The following PCNX2 variants were observed in gnomAD, a reference collection of about 807,000 sequenced individuals.
The protein encoded by PCNX2 is pecanex 2.
In PCNX2, 168 loss-of-function variants were observed where a neutral mutation model predicts 223.8. That is an observed-to-expected ratio of 0.75 (90% CI 0.66 to 0.85). The LOEUF (loss-of-function observed/expected upper bound fraction) is 0.85. Ranked by LOEUF, PCNX2 falls within the 40% of genes least tolerant of loss-of-function variation. The pLI is 0.00. For missense variants in PCNX2, 2,507 were observed against 2,675.5 expected (o/e 0.94, Z 1.39); for synonymous variants, 1,006 against 1,052.6 (o/e 0.96, Z 0.86).
intron 23 of PCNX2, among the ~76,000 whole-genome samples, chr1:233,081,877 G>A (rs1236474318): frequency 1.3e-5 from 2 of 152,154 alleles, no homozygotes; most frequent in Admixed American, 1.3e-4. Flanking sequence ...TCGGGGCTCT[G>A]AGCTGCAGCT....
intron 12 of PCNX2, among the ~76,000 whole-genome samples, chr1:233,208,900 C>T (rs1681666042): frequency 2.1e-5 from 3 of 139,792 alleles, no homozygotes. Flanking sequence ...TTCTGTCAAA[C>T]CAGAATGAGA....
At chr1:233,220,077 G>T (rs1274776667) in intron 10 of PCNX2, among the ~76,000 whole-genome samples, 3 of 152,066 alleles carry the variant, frequency 2.0e-5, no homozygotes, top group Non-Finnish European at 4.4e-5. Flanking sequence ...TAAGTACTAT[G>T]CAGTTAACGT....
At chr1:233,140,695 G>C (rs1286206455) in intron 19 of PCNX2, among the ~76,000 whole-genome samples, 1 of 152,214 alleles carries the variant, frequency 6.6e-6, no homozygotes, top group Non-Finnish European at 1.5e-5. Flanking sequence ...GCTGGCGTGA[G>C]TGGTCAGAGC....
intron 8 of PCNX2, among the ~76,000 whole-genome samples, chr1:233,245,365 G>T (rs1659045044): frequency 6.6e-6 from 1 of 152,252 alleles, no homozygotes; most frequent in Non-Finnish European, 1.5e-5. Context: ...GCATAACAGA[G>T]GCAGATTGTA....
intron 5 of PCNX2, among the ~76,000 whole-genome samples, chr1:233,256,284 A>G (rs1454318230): frequency 2.0e-5 from 3 of 152,152 alleles, no homozygotes. Context: ...AAATAGCAAA[A>G]TTTTTCACAT....
chr1:233,115,989 A>G (rs1675385164), intron 21 of PCNX2, among the ~76,000 whole-genome samples: 1 of 152,208 alleles, frequency 6.6e-6, no homozygotes, highest in Non-Finnish European at 1.5e-5. Context: ...AGGAGCAGTG[A>G]TATCATTATC....
At chr1:233,254,589 A>G (rs1415978648) in intron 5 of PCNX2, among the ~76,000 whole-genome samples, 3 of 152,186 alleles carry the variant, frequency 2.0e-5, no homozygotes, top group Non-Finnish European at 4.4e-5. Context: ...TATGTAATTT[A>G]AAACTATACA....
At chr1:233,017,269 G>T in intron 26 of PCNX2, 115 bp from the exon 27 acceptor site, 1 of 628,246 alleles carries the variant, frequency 1.6e-6, no homozygotes, top group Non-Finnish European at 2.4e-6. Flanking sequence ...TGTATGTTCT[G>T]CTGGGTGTAA....
chr1:233,268,431 A>G (rs1660461809), intron 1 of PCNX2, among the ~76,000 whole-genome samples: 1 of 152,140 alleles, frequency 6.6e-6, no homozygotes, highest in Admixed American at 6.5e-5. Context: ...AGACATAAAG[A>G]AGGACACTCT....
chr1:233,317,797 A>G, the PCNX2 span, among the ~76,000 whole-genome samples: 8 of 152,356 alleles, frequency 5.3e-5, no homozygotes, highest in African/African-American at 1.9e-4. Context: ...GCTTTAATGC[A>G]TTAGCTCAAT....
chr1:233,168,311 T>C (rs1678924204), intron 17 of PCNX2, among the ~76,000 whole-genome samples: 1 of 152,152 alleles, frequency 6.6e-6, no homozygotes, highest in African/African-American at 2.4e-5. Flanking sequence ...TTGTGTTTTC[T>C]GAGCCAGTAT....
intron 21 of PCNX2, among the ~76,000 whole-genome samples, chr1:233,133,932 G>A (rs954260191): frequency 2.0e-5 from 3 of 152,122 alleles, no homozygotes; most frequent in South Asian, 2.1e-4. Flanking sequence ...AATTACTTAT[G>A]AGGCCTCTTT....
At chr1:233,174,447 A>G (rs1381062202) in intron 17 of PCNX2, among the ~76,000 whole-genome samples, 1 of 151,178 alleles carries the variant, frequency 6.6e-6, no homozygotes, top group Non-Finnish European at 1.5e-5. Flanking sequence ...TAAGAAATAT[A>G]TTAGCTTTTC....
At chr1:233,047,155 C>G (rs11584905) in intron 25 of PCNX2, among the ~76,000 whole-genome samples, 12,703 of 152,200 alleles carry the variant, frequency 0.083, 579 homozygotes, top group African/African-American at 0.12. Context: ...GCTCAAGTGG[C>G]CCAGGTGACA....
intron 27 of PCNX2, 95 bp downstream of exon 27, chr1:233,016,826 G>T: frequency 6.7e-7 from 1 of 1,498,050 alleles, no homozygotes; most frequent in East Asian, 2.4e-5. Flanking sequence ...TATGTTAAAA[G>T]TCTACCATAG....
At chr1:233,262,848 A>G (rs1390694631) in intron 2 of PCNX2, 110 bp downstream of exon 2, 2 of 961,406 alleles carry the variant, frequency 2.1e-6, no homozygotes, top group South Asian at 1.6e-5. Context: ...AAAAATGCAT[A>G]TATTTCTGTC....
intron 8 of PCNX2, among the ~76,000 whole-genome samples, chr1:233,245,358 T>A (rs60561561): frequency 0.062 from 9,479 of 152,256 alleles, 878 homozygotes; most frequent in African/African-American, 0.2. Context: ...AAAAGAAGCA[T>A]AACAGAGGCA....
At chr1:233,073,163 T>C (rs1672931877) in intron 23 of PCNX2, among the ~76,000 whole-genome samples, 1 of 152,216 alleles carries the variant, frequency 6.6e-6, no homozygotes, top group South Asian at 2.1e-4. Context: ...CTAGGTTACC[T>C]AATTTGTTGA....
At chr1:233,066,012 T>C (rs1672589892) in intron 23 of PCNX2, among the ~76,000 whole-genome samples, 1 of 152,094 alleles carries the variant, frequency 6.6e-6, no homozygotes, top group Admixed American at 6.5e-5. Context: ...TTTTGACCAA[T>C]CAGCATGCAC....
Sources: allele counts gnomAD v4.1 joint callset (sites outside exome capture counted in the v4.1 genomes callset), GRCh38; gene constraint gnomAD v4.1.1; transcripts MANE v1.5; gene names NCBI Gene and HGNC (gene_info 2026-07-23, HGNC 2026-07-21).